Variants in ADGRF5 observed in about 807,000 individuals in gnomAD.
ADGRF5 encodes G-protein coupled receptor 116.
In ADGRF5, 75 loss-of-function variants were observed where a neutral mutation model predicts 132.3. The ratio of observed to expected loss-of-function variants is 0.57; its 90% CI spans 0.47 to 0.69. The LOEUF (loss-of-function observed/expected upper bound fraction) is 0.69. ADGRF5 is among the 30% of genes least tolerant of loss of function. The pLI, the probability that ADGRF5 is intolerant of heterozygous loss-of-function variation, is 0.00. For synonymous variants in ADGRF5, 629 were observed against 597.6 expected, an observed-to-expected ratio of 1.05 and a Z score of -0.77; for missense variants, 1,516 against 1,630.6, an observed-to-expected ratio of 0.93 and a Z score of 1.21.
In ADGRF5 at chr6:46,859,428, T is replaced by C; in HGVS notation, c.2475A>G (p.Leu825=). ...QQQWTNQSSQ[L]LHSVERFSQA... ...GGGAAAATCTTTCCACTGAATGTAG[T>C]AGCTGTGAACTCTGATTGGTCCATT... The change falls in exon 17 of 21, where the codon CTA becomes CTG. Residue 825 remains leucine, a synonymous_variant. Transcript: ENST00000283296. The C allele has an allele frequency of 6.2e-7, 1 of 1,612,810 alleles. No individual in the cohort carries two copies. The highest frequency in any genetic ancestry group is 1.7e-5 in the Admixed American group (1 of 60,012).
Position 46,858,662 on chromosome 6 carries a change from G to T in ADGRF5, c.3241C>A (p.Leu1081Ile). Residue 1081 changes from leucine to isoleucine, a missense_variant, in exon 17 of 21, where the codon CTC becomes ATC. This residue lies in a region of ADGRF5 where 571 missense variants were observed against 701.2 expected (regional missense o/e 0.81). Transcript: ENST00000283296. ...GCAGCCACACAGGCTGTCTTGCAGA[G>T]TATGTAGCGATTGTCCTGGATGGCA... ...VAAIQDNRYI[L>I]CKTACVAATF... is the part of the protein sequence containing the mutation. 6.2e-7 allele frequency: 1 copy of T among 1,614,192 alleles called. No individual in the cohort carries two copies. The highest frequency in any genetic ancestry group is 1.6e-4 in the Middle Eastern group (1 of 6,062).
intron 1 of ADGRF5, among the ~76,000 whole-genome samples, chr6:46,949,867 A>G (rs1778432197): frequency 6.6e-6 from 1 of 152,214 alleles, no homozygotes; most frequent in South Asian, 2.1e-4. Context: ...AGTGGTTTAC[A>G]GTGAAGTTTT....
chr6:46,941,466 GAA>G (rs66918453), intron 1 of ADGRF5, among the ~76,000 whole-genome samples: 2 of 28,002 alleles, frequency 7.1e-5, no homozygotes, highest in African/African-American at 1.9e-4. Flanking sequence ...GAAAAGAAAA[GAA>G]AGAAAAGAAA....
intron 20 of ADGRF5, among the ~76,000 whole-genome samples, chr6:46,855,286 G>A (rs987744541): frequency 2.0e-5 from 3 of 152,104 alleles, no homozygotes; most frequent in East Asian, 1.9e-4. Flanking sequence ...CACTATCGGC[G>A]TCATCACGAA....
intron 4 of ADGRF5, among the ~76,000 whole-genome samples, chr6:46,885,031 A>G (rs1263473666): frequency 2.0e-5 from 3 of 151,928 alleles, no homozygotes; most frequent in African/African-American, 7.3e-5. Context: ...GCAAAACCCT[A>G]TCCTACAAAC....
In ADGRF5 at chr6:46,865,092, G is replaced by A; in HGVS notation, c.1940C>T (p.Ala647Val). 1 of 1,609,990 alleles carries A rather than the reference G, an allele frequency of 6.2e-7. No individual in the cohort carries two copies. The highest frequency in any genetic ancestry group is 8.5e-7 in the Non-Finnish European group (1 of 1,176,332). Residue 647 changes from alanine (A) to valine (V), a missense_variant, in exon 14 of 21, where the codon GCT (alanine) becomes GTT (valine). Coordinates refer to ENST00000283296, the MANE Select transcript of ADGRF5 (RefSeq NM_001098518.2). Reference sequence around the variant, plus strand: ...TGGGCTCCAGACTGAATTATTAGCAGCATTGGTAAAGTGACAACACACATC... The same window carrying A: ...TGGGCTCCAGACTGAATTATTAGCAACATTGGTAAAGTGACAACACACATC... Reference protein sequence around the residue: ...TVDVCCHFTNAANNSVWSPSM... With the variant: ...TVDVCCHFTNVANNSVWSPSM...
At chr6:46,939,912 T>G (rs1438308722) in intron 1 of ADGRF5, among the ~76,000 whole-genome samples, 1 of 152,236 alleles carries the variant, frequency 6.6e-6, no homozygotes, top group Non-Finnish European at 1.5e-5. Context: ...CTAGAATGAT[T>G]ATAAAATGCT....
chr6:46,898,986 G>A (rs925029784), intron 3 of ADGRF5, among the ~76,000 whole-genome samples: 17 of 152,294 alleles, frequency 1.1e-4, no homozygotes, highest in South Asian at 4.1e-4. Flanking sequence ...ACAGAGATGA[G>A]GAGAACGCAG....
Position 46,853,976 on chromosome 6 carries a change from T to G in ADGRF5, c.*16A>C. 6.4e-7 allele frequency: 1 copy of G among 1,571,276 alleles called. No homozygotes were observed. Among genetic ancestry groups the G allele is most frequent in the Non-Finnish European group, 8.7e-7 (1 of 1,150,472 alleles). ...CACTGTCCCCGGGAGGTCACGTAGG[T>G]TGGATTATCCTGTTCTTAGTTGAGC... On this transcript the variant is annotated 3_prime_UTR_variant, in exon 21 of 21. Transcript: ENST00000283296.
At chr6:46,923,973 T>G (rs1777128419), upstream of ADGRF5, among the ~76,000 whole-genome samples, 1 of 152,182 alleles carries the variant, frequency 6.6e-6, no homozygotes, top group South Asian at 2.1e-4. Context: ...GAGAGAATAA[T>G]TTACCAGTCA....
At chr6:46,904,359 T>C (rs554080036) in intron 2 of ADGRF5, among the ~76,000 whole-genome samples, 63 of 152,340 alleles carry the variant, frequency 4.1e-4, no homozygotes, top group Middle Eastern at 3.4e-3. Context: ...AGGATATTAT[T>C]CGGCCTTAAA....
intron 2 of ADGRF5, among the ~76,000 whole-genome samples, chr6:46,904,685 G>A (rs1359572459): frequency 6.6e-6 from 1 of 152,150 alleles, no homozygotes; most frequent in Non-Finnish European, 1.5e-5. Context: ...GTTTCAAGAT[G>A]TTAAATTTTA....
intron 1 of ADGRF5, among the ~76,000 whole-genome samples, chr6:46,908,200 G>T (rs1409507224): frequency 1.3e-5 from 2 of 152,164 alleles, no homozygotes; most frequent in Non-Finnish European, 2.9e-5. Flanking sequence ...AATGGTTTGG[G>T]GGAAATGCTT....
At chr6:46,904,013 C>T (rs190261877) in intron 2 of ADGRF5, among the ~76,000 whole-genome samples, 1 of 152,252 alleles carries the variant, frequency 6.6e-6, no homozygotes, top group Admixed American at 6.5e-5. Flanking sequence ...GCTGGGCTTC[C>T]ACTCAGACCT....
intron 1 of ADGRF5, among the ~76,000 whole-genome samples, chr6:46,920,897 GAT>G (rs1325765956): frequency 2.0e-5 from 3 of 152,084 alleles, no homozygotes; most frequent in African/African-American, 7.2e-5. Context: ...TCTATTTAGA[GAT>G]ATTCTTTTAC....
At chr6:46,891,633 G>A (rs1273153769) in intron 3 of ADGRF5, among the ~76,000 whole-genome samples, 1 of 152,170 alleles carries the variant, frequency 6.6e-6, no homozygotes, top group Non-Finnish European at 1.5e-5. Flanking sequence ...AAATATCAAT[G>A]CCTGCCTGAG....
chr6:46,885,233 G>A (rs1364818898), intron 4 of ADGRF5, among the ~76,000 whole-genome samples: 1 of 151,198 alleles, frequency 6.6e-6, no homozygotes, highest in Non-Finnish European at 1.5e-5. Flanking sequence ...AGAAAGAAAG[G>A]AAGAAAGAAA....
intron 2 of ADGRF5, chr6:46,903,399 A>G (rs1404578243): frequency 6.6e-6 from 1 of 152,280 alleles, no homozygotes; most frequent in Non-Finnish European, 1.5e-5. Context: ...CAGCCGGAAA[A>G]GACAAGGTCA....
At chr6:46,899,642 C>T (rs1257262780) in intron 3 of ADGRF5, among the ~76,000 whole-genome samples, 1 of 150,508 alleles carries the variant, frequency 6.6e-6, no homozygotes, top group Non-Finnish European at 1.5e-5. Context: ...AGGATAAAGT[C>T]CTAAGTAAAA....
Sources: gnomAD v4.1 joint callset for allele counts (sites outside exome capture counted in the v4.1 genomes callset) on GRCh38, gnomAD v4.1.1 for gene constraint, gnomAD v4.1.1 regional missense constraint, MANE v1.5 for transcripts, NCBI Gene and HGNC (gene_info 2026-07-23, HGNC 2026-07-21) for gene names.